Variants in NEDD4L observed in about 807,000 individuals in gnomAD.
NEDD4L encodes the protein E3 ubiquitin-protein ligase NEDD4-like.
Under a neutral mutation model 148.9 loss-of-function variants are expected in NEDD4L, and 54 were observed. The observed-to-expected ratio is 0.36, with a 90% CI of 0.29 to 0.45. The LOEUF (loss-of-function observed/expected upper bound fraction) is 0.45. Among genes scored for constraint, NEDD4L ranks in the 20% least tolerant of loss-of-function variants. The pLI, the probability that NEDD4L is intolerant of heterozygous loss-of-function variation, is 1.00. For missense variants in NEDD4L, 856 were observed against 1,233.8 expected (o/e 0.69, Z 4.59); for synonymous variants, 433 against 440.7 (o/e 0.98, Z 0.22).
intron 1 of NEDD4L, among the ~76,000 whole-genome samples, chr18:58,052,012 C>G (rs867301259): frequency 6.6e-6 from 1 of 151,966 alleles, no homozygotes; most frequent in African/African-American, 2.4e-5. Context: ...ACTGTTGGCT[C>G]GGGTGTTGCT....
At chr18:58,119,704 A>G (rs967628834) in intron 1 of NEDD4L, among the ~76,000 whole-genome samples, 2 of 152,164 alleles carry the variant, frequency 1.3e-5, no homozygotes, top group Non-Finnish European at 2.9e-5. Context: ...CAGTTCGCCT[A>G]GCTATTGGTT....
intron 2 of NEDD4L, among the ~76,000 whole-genome samples, chr18:58,184,935 A>G (rs5013567): frequency 0.028 from 4,280 of 152,124 alleles, 65 homozygotes; most frequent in Middle Eastern, 0.051. Flanking sequence ...CTCAAAAAAA[A>G]AAAAGAAAAG....
chr18:58,080,948 G>A (rs2083398717), intron 1 of NEDD4L, among the ~76,000 whole-genome samples: 1 of 152,104 alleles, frequency 6.6e-6, no homozygotes, highest in South Asian at 2.1e-4. Flanking sequence ...GAGGGCTGGG[G>A]GGTATGAAAT....
chr18:58,388,982 G>T, intron 27 of NEDD4L, 103 bp from the exon 28 acceptor site: 1 of 875,124 alleles, frequency 1.1e-6, no homozygotes, highest in Non-Finnish European at 1.9e-6. Flanking sequence ...GCTTACCTTC[G>T]CGGCACAGTG....
At chr18:58,067,866 G>A (rs1456622945) in intron 1 of NEDD4L, among the ~76,000 whole-genome samples, 1 of 152,216 alleles carries the variant, frequency 6.6e-6, no homozygotes, top group African/African-American at 2.4e-5. Flanking sequence ...GGGGAATGCA[G>A]GTGTATCTGT....
intron 5 of NEDD4L, among the ~76,000 whole-genome samples, chr18:58,262,676 C>G (rs143576658): frequency 1.9e-3 from 293 of 151,490 alleles, no homozygotes; most frequent in African/African-American, 6.5e-3. Flanking sequence ...TCTCAGTGAG[C>G]ATGTTGAATG....
intron 19 of NEDD4L, among the ~76,000 whole-genome samples, chr18:58,361,630 G>C (rs2045503291): frequency 6.6e-6 from 1 of 152,178 alleles, no homozygotes; most frequent in African/African-American, 2.4e-5. Context: ...CCCGTGCCGG[G>C]CATGAGCCCT....
chr18:58,058,011 A>T (rs1409926243), intron 1 of NEDD4L, among the ~76,000 whole-genome samples: 9 of 152,198 alleles, frequency 5.9e-5, no homozygotes, highest in East Asian at 1.9e-4. Context: ...AGCAATTTTT[A>T]AAAAATGGTG....
Position 58,256,823 on chromosome 18 carries a change from C to G in NEDD4L, c.297+4769C>G. 1.3e-5 allele frequency: 16 copies of G among 1,223,622 alleles called. No homozygotes were observed. Among genetic ancestry groups the G allele is most frequent in the Non-Finnish European group, 1.5e-5 (15 of 980,578 alleles). The allele number at this position is 1,223,622 out of a possible 1,614,324, so 75.8% of individuals were successfully genotyped here. On this transcript the variant is annotated intron_variant, in intron 5 of 30. Transcript: ENST00000400345. This position sits in a 1 kb window ranked among gnomAD's most constrained non-coding sequence, Gnocchi z 5.2. ...GTGTTTACTGATTTCAACTTCGATG[C>G]TTACTCTGCGGCGTAACCAAAATAA...
chr18:58,149,072 A>C (rs1180191461), intron 1 of NEDD4L, among the ~76,000 whole-genome samples: 5 of 152,236 alleles, frequency 3.3e-5, no homozygotes, highest in African/African-American at 1.2e-4. Context: ...ACGTAAACTG[A>C]AAGTGGCAGA....
At chr18:58,077,322 A>T (rs565210728) in intron 1 of NEDD4L, among the ~76,000 whole-genome samples, 1 of 151,826 alleles carries the variant, frequency 6.6e-6, no homozygotes, top group Non-Finnish European at 1.5e-5. Flanking sequence ...ATGTACTACC[A>T]TGCCCAGCTA....
intron 2 of NEDD4L, among the ~76,000 whole-genome samples, chr18:58,191,892 A>G (rs1472681580): frequency 6.6e-6 from 1 of 152,170 alleles, no homozygotes; most frequent in Non-Finnish European, 1.5e-5. Flanking sequence ...GCTTGATAAA[A>G]ACTTGCTTAA....
chr18:58,345,011 A>T (rs1169256410), intron 16 of NEDD4L, among the ~76,000 whole-genome samples: 1 of 152,236 alleles, frequency 6.6e-6, no homozygotes, highest in South Asian at 2.1e-4. Context: ...TTGTATTTTA[A>T]ATTAAACAGC....
chr18:58,242,112 G>A (rs370912456), intron 2 of NEDD4L, among the ~76,000 whole-genome samples: 7 of 152,166 alleles, frequency 4.6e-5, no homozygotes, highest in Non-Finnish European at 8.8e-5. Context: ...ATGAGGAGGC[G>A]TGGAATACGT....
chr18:58,335,957 T>G (rs1310844237), intron 13 of NEDD4L: 1 of 165,332 alleles, frequency 6.0e-6, no homozygotes, highest in Non-Finnish European at 1.3e-5. Flanking sequence ...GGCCCTTCTC[T>G]TTTCTGTATC....
At chr18:58,076,474 G>T (rs931839455) in intron 1 of NEDD4L, among the ~76,000 whole-genome samples, 2 of 152,150 alleles carry the variant, frequency 1.3e-5, no homozygotes, top group Non-Finnish European at 2.9e-5. Context: ...GGTAAGTTTT[G>T]CTTTCTTTTA....
intron 1 of NEDD4L, among the ~76,000 whole-genome samples, chr18:58,130,336 C>T (rs897370222): frequency 7.2e-5 from 9 of 124,864 alleles, no homozygotes; most frequent in Non-Finnish European, 3.2e-5. Context: ...TGGTGTCGGG[C>T]TCTGTTGGGG....
chr18:58,361,627 C>G (rs2075406), intron 19 of NEDD4L, among the ~76,000 whole-genome samples: 1 of 152,056 alleles, frequency 6.6e-6, no homozygotes, highest in African/African-American at 2.4e-5. Flanking sequence ...GTCCCCGTGC[C>G]GGGCATGAGC....
chr18:58,393,987 T>A (rs1157975492), intron 30 of NEDD4L, among the ~76,000 whole-genome samples: 1 of 152,228 alleles, frequency 6.6e-6, no homozygotes, highest in East Asian at 1.9e-4. Flanking sequence ...CAGGCCCACC[T>A]GCCCTTTTAG....
Sources: allele counts gnomAD v4.1 joint callset (sites outside exome capture counted in the v4.1 genomes callset), GRCh38; gene constraint gnomAD v4.1.1; non-coding constraint Gnocchi (gnomAD v3.1); transcripts MANE v1.5; gene names NCBI Gene and HGNC (gene_info 2026-07-23, HGNC 2026-07-21).